Variants in ULBP1 observed in about 807,000 individuals in gnomAD.
The protein encoded by ULBP1 is UL16-binding protein 1.
In ULBP1, 28 loss-of-function variants were observed where a neutral mutation model predicts 25.3. The observed-to-expected ratio is 1.10, with a 90% CI of 0.82 to 1.51. ULBP1 has a LOEUF of 1.51. Among genes scored for constraint, ULBP1 ranks in the 40% most tolerant of loss-of-function variants. The probability of loss-of-function intolerance (pLI) is 0.00; values close to 1 mark genes in which losing one functional copy is unlikely to be tolerated. For missense variants in ULBP1, 348 were observed against 290.9 expected (o/e 1.20, Z -1.43); for synonymous variants, 129 against 103.0 (o/e 1.25, Z -1.53).
At position 149,970,151 on chromosome 6, in the gene ULBP1, C is replaced by A. The variant is rs745943216; in HGVS notation, c.*22+4C>A. 13 of 1,579,538 alleles carry A rather than the reference C, an allele frequency of 8.2e-6. No homozygotes were observed. Among genetic ancestry groups the A allele is most frequent in the South Asian group, 1.2e-5 (1 of 86,272 alleles). ...GGAGAGTTGTTTAGAGTGACAGGTA[C>A]TGTGGGCAATATTGGGAGGGGAGCA... On this transcript the variant is annotated splice_donor_region_variant and intron_variant, in intron 4 of 4. Transcript: ENST00000229708.
intron 1 of ULBP1, among the ~76,000 whole-genome samples, chr6:149,964,371 TC>T (rs1779158725): frequency 6.7e-6 from 1 of 149,114 alleles, no homozygotes; most frequent in African/African-American, 2.5e-5. Flanking sequence ...CATCGTGATC[TC>T]CCCAGACATG....
In ULBP1 at chr6:149,969,105, A is replaced by T. The variant is rs781415440; in HGVS notation, c.370A>T (p.Arg124Trp). The change falls in exon 3 of 5, where the codon AGG (arginine) becomes TGG (tryptophan). Residue 124 changes from arginine (R) to tryptophan (W), a missense_variant. By Grantham distance (101) the Arg-to-Trp change is moderately radical. Transcript: ENST00000229708. Reference protein sequence around the residue: ...IPIEPLTLQARMSCEHEAHGH... With the variant: ...IPIEPLTLQAWMSCEHEAHGH... ...GGCAGAGCCCCTCACCCTGCAGGCC[A>T]GGATGTCTTGTGAGCATGAAGCCCA... 1 of 1,614,260 alleles carries T rather than the reference A, an allele frequency of 6.2e-7. No individual in the cohort carries two copies. The highest frequency in any genetic ancestry group is 8.5e-7 in the Non-Finnish European group (1 of 1,180,032).
Position 149,968,590 on chromosome 6 carries a change from G to A in ULBP1, c.86-17G>A. The A allele has an allele frequency of 1.3e-6, 2 of 1,593,600 alleles. No individual in the cohort carries two copies. The highest frequency in any genetic ancestry group is 4.5e-5 in the East Asian group (2 of 44,416). ...TTTCCCCCCACACCAACCCCCTCCTGTGTTTTTCTTCCACAGACACACACT... is the reference window on the plus strand; with the variant it reads ...TTTCCCCCCACACCAACCCCCTCCTATGTTTTTCTTCCACAGACACACACT... On this transcript the variant is annotated splice_polypyrimidine_tract_variant and intron_variant, in intron 1 of 4. Transcript: ENST00000229708.
At chr6:149,964,684 C>T (rs73779710) in intron 1 of ULBP1, among the ~76,000 whole-genome samples, 5,138 of 147,390 alleles carry the variant, frequency 0.035, 268 homozygotes, top group African/African-American at 0.12. Flanking sequence ...CTCCGCGGCT[C>T]CTTTCCGCCG....
In ULBP1 at chr6:149,969,260, C is replaced by T. The variant is rs146669506; in HGVS notation, c.525C>T (p.Asn175=). 3.1e-5 allele frequency: 50 copies of T among 1,614,210 alleles called. No homozygotes were observed. The African/African-American group carries it at 5.9e-4, about 19-fold the overall frequency. ...AGATGACAGAGAAGTGGGAGAAGAA[C>T]AGGGATGTGACCATGTTCTTCCAGA... ...AKKMTEKWEK[N]RDVTMFFQKI... is the part of the protein sequence containing the mutation. The change falls in exon 3 of 5, where the codon AAC becomes AAT. Residue 175 remains asparagine (N), a synonymous_variant. Transcript: ENST00000229708.
At chr6:149,967,814 C>A (rs1029211997) in intron 1 of ULBP1, among the ~76,000 whole-genome samples, 3 of 152,112 alleles carry the variant, frequency 2.0e-5, no homozygotes, top group African/African-American at 7.2e-5. Context: ...GCATTTCCTA[C>A]CCCCAACCCC....
In ULBP1 at chr6:149,972,430, T is replaced by C. The variant is rs1779334272; in HGVS notation, c.*1084T>C. 6.6e-6 allele frequency: 1 copy of C among 152,232 alleles called. No individual in the cohort carries two copies. The allele number at this position is 152,232 out of a possible 1,614,324, so 9.4% of individuals were successfully genotyped here. ...TGGAATATAACCTAAGAAATACCAATGTGGACATAGGGCCTGGCAAAGATT... is the reference window on the plus strand; with the variant it reads ...TGGAATATAACCTAAGAAATACCAACGTGGACATAGGGCCTGGCAAAGATT... On this transcript the variant is annotated 3_prime_UTR_variant, in exon 5 of 5. Coordinates refer to ENST00000229708, the MANE Select transcript of ULBP1 (RefSeq NM_025218.4).
chr6:149,970,325 T>G (rs111715347), intron 4 of ULBP1, among the ~76,000 whole-genome samples, 178 bp downstream of exon 4: 4 of 151,070 alleles, frequency 2.6e-5, no homozygotes, highest in Non-Finnish European at 4.4e-5. Flanking sequence ...TGAGTTCTGA[T>G]GGATTCTAAC....
rs746632249 is a variant in ULBP1, at chr6:149,964,146, G to A, written c.85+12G>A. ...GGCAGGATGGGTCGGTGAGTTCGGGGATGTAGCCTAAGCAGGGCGGGGGCC... is the reference window on the plus strand; with the variant it reads ...GGCAGGATGGGTCGGTGAGTTCGGGAATGTAGCCTAAGCAGGGCGGGGGCC... On this transcript the variant is annotated intron_variant, in intron 1 of 4. Coordinates refer to ENST00000229708, the MANE Select transcript of ULBP1 (RefSeq NM_025218.4). 19 of 1,614,144 alleles carry A rather than the reference G, an allele frequency of 1.2e-5. No homozygotes were observed. The South Asian group carries it at 2.0e-4, about 17-fold the overall frequency.
At chr6:149,970,995 G>A (rs1309398926) in intron 4 of ULBP1, among the ~76,000 whole-genome samples, 1 of 152,226 alleles carries the variant, frequency 6.6e-6, no homozygotes. Context: ...AAAAGAAGGT[G>A]GTTTGTCTAC....
intron 1 of ULBP1, among the ~76,000 whole-genome samples, chr6:149,966,809 A>G (rs996788314): frequency 3.9e-5 from 6 of 152,078 alleles, no homozygotes; most frequent in African/African-American, 1.4e-4. Flanking sequence ...AAATGAGGGG[A>G]TTTCACTGCT....
intron 1 of ULBP1, among the ~76,000 whole-genome samples, chr6:149,967,223 C>T (rs932368062): frequency 3.2e-4 from 49 of 152,360 alleles, no homozygotes; most frequent in African/African-American, 9.9e-4. Flanking sequence ...AAATGCACCT[C>T]ATGAGTAATA....
intron 1 of ULBP1, among the ~76,000 whole-genome samples, chr6:149,965,575 G>A (rs1170221145): frequency 6.6e-6 from 1 of 152,136 alleles, no homozygotes; most frequent in Admixed American, 6.5e-5. Flanking sequence ...GTCAGGACAG[G>A]GGTAAAGGGG....
intron 1 of ULBP1, among the ~76,000 whole-genome samples, chr6:149,965,002 G>C (rs1255083336): frequency 6.9e-6 from 1 of 145,366 alleles, no homozygotes; most frequent in Non-Finnish European, 1.5e-5. Flanking sequence ...TCCCCTCCGC[G>C]GCTCCTTTCC....
chr6:149,965,987 C>G (rs931345533), intron 1 of ULBP1, among the ~76,000 whole-genome samples: 3 of 152,072 alleles, frequency 2.0e-5, no homozygotes, highest in Non-Finnish European at 4.4e-5. Flanking sequence ...ACGGGAAATC[C>G]CATTTCCCTC....
At position 149,971,290 on chromosome 6, in the gene ULBP1, G is replaced by T. The variant is rs1779312842; in HGVS notation, c.*23-79G>T. On this transcript the variant is annotated intron_variant, in intron 4 of 4. Transcript: ENST00000229708. ...TGTGGGAGAGGTTCCGAAATGGGGA[G>T]GGCCTGGGAAGGATCACCCAGGAGA... 5 of 933,606 alleles carry T rather than the reference G, an allele frequency of 5.4e-6. No individual in the cohort carries two copies. The South Asian group carries it at 2.5e-4, about 46-fold the overall frequency. The allele number at this position is 933,606 out of a possible 1,614,324, so 57.8% of individuals were successfully genotyped here. A position where few individuals can be genotyped will look rare whatever the true frequency, so the allele number is the denominator to read the frequency against.
chr6:149,967,449 G>C (rs550552636), intron 1 of ULBP1, among the ~76,000 whole-genome samples: 20 of 152,194 alleles, frequency 1.3e-4, no homozygotes, highest in Non-Finnish European at 1.6e-4. Flanking sequence ...ATGGACTCTG[G>C]GTCTGAGATG....
In ULBP1 at chr6:149,973,205, T is replaced by C. The variant is rs550992824; in HGVS notation, c.*1859T>C. 1 of 152,192 alleles carries C rather than the reference T, an allele frequency of 6.6e-6. No individual in the cohort carries two copies. Among genetic ancestry groups the C allele is most frequent in the Non-Finnish European group, 1.5e-5 (1 of 68,032 alleles). 9.4% of individuals were successfully genotyped at this position (152,192 alleles called of 1,614,324 possible). On this transcript the variant is annotated 3_prime_UTR_variant, in exon 5 of 5. Coordinates refer to ENST00000229708, the MANE Select transcript of ULBP1 (RefSeq NM_025218.4). ...ACATGGATGCAACTAGAGGCTATTA[T>C]CCTAAGCAACCTAATGCAAGAACAG...
rs372612807 is a variant in ULBP1 at position 149,969,156 on chromosome 6, T to C, written c.421T>C (p.Phe141Leu). Residue 141 changes from phenylalanine to leucine, a missense_variant, in exon 3 of 5, where the codon TTC becomes CTC. Coordinates refer to ENST00000229708, the MANE Select transcript of ULBP1 (RefSeq NM_025218.4). ...AHGHGRGSWQ[F>L]LFNGQKFLLF... ...TGGACACGGCAGAGGATCTTGGCAGTTCCTCTTCAATGGACAGAAGTTCCT... is the reference window on the plus strand; with the variant it reads ...TGGACACGGCAGAGGATCTTGGCAGCTCCTCTTCAATGGACAGAAGTTCCT... 6.2e-6 allele frequency: 10 copies of C among 1,614,216 alleles called. 1 individual carries two copies. The highest frequency in any genetic ancestry group is 8.5e-6 in the Non-Finnish European group (10 of 1,180,034).
Sources: allele counts gnomAD v4.1 joint callset (sites outside exome capture counted in the v4.1 genomes callset), GRCh38; gene constraint gnomAD v4.1.1; transcripts MANE v1.5; gene names NCBI Gene and HGNC (gene_info 2026-07-23, HGNC 2026-07-21).